The following LGSN variants were observed in gnomAD, a reference collection of about 807,000 sequenced individuals.
LGSN encodes the protein lengsin, lens protein with glutamine synthetase domain.
LGSN carries 21 observed loss-of-function variants against 19.5 expected under a neutral mutation model. That is an observed-to-expected ratio of 1.07 (90% CI 0.76 to 1.55). The LOEUF is 1.55. Ranked by LOEUF, LGSN falls within the 40% of genes most tolerant of loss-of-function variation. The pLI is 0.00. For missense variants in LGSN, 673 were observed against 608.5 expected, an observed-to-expected ratio of 1.11 and a Z score of -1.12; for synonymous variants, 257 against 215.6, an observed-to-expected ratio of 1.19 and a Z score of -1.68.
the LGSN span, among the ~76,000 whole-genome samples, chr6:63,385,016 C>T: frequency 6.6e-6 from 1 of 152,118 alleles, no homozygotes; most frequent in South Asian, 2.1e-4. Context: ...TCAGAAAAAA[C>T]AAACCTGTGA....
At chr6:63,560,884 C>T in the LGSN span, among the ~76,000 whole-genome samples, 9 of 152,218 alleles carry the variant, frequency 5.9e-5, no homozygotes, top group South Asian at 2.1e-4. Context: ...TGGGGAACAA[C>T]ATCTCTTGAA....
chr6:63,400,237 C>T, the LGSN span, among the ~76,000 whole-genome samples: 1 of 152,162 alleles, frequency 6.6e-6, no homozygotes, highest in Non-Finnish European at 1.5e-5. Context: ...TCCAGCTTGG[C>T]AAATGAGAAA....
the LGSN span, among the ~76,000 whole-genome samples, chr6:63,496,323 G>A: frequency 6.6e-6 from 1 of 152,246 alleles, no homozygotes; most frequent in Admixed American, 6.5e-5. Flanking sequence ...CCTTACTGAT[G>A]GCAGACTATA....
chr6:63,541,296 T>C, the LGSN span, among the ~76,000 whole-genome samples: 1 of 152,064 alleles, frequency 6.6e-6, no homozygotes, highest in African/African-American at 2.4e-5. Flanking sequence ...TTGGATAATT[T>C]TGCTAAGGAA....
chr6:63,412,681 GAAA>G, the LGSN span, among the ~76,000 whole-genome samples: 1 of 121,580 alleles, frequency 8.2e-6, no homozygotes, highest in African/African-American at 3.3e-5. Context: ...AAGGAAGAAA[GAAA>G]GAAAGAGAAA....
At chr6:63,322,624 T>C (rs1769111099), upstream of LGSN, among the ~76,000 whole-genome samples, 1 of 151,950 alleles carries the variant, frequency 6.6e-6, no homozygotes, top group South Asian at 2.1e-4. Context: ...TTATAAGGAG[T>C]AATATTTGAG....
chr6:63,489,208 G>A, the LGSN span, among the ~76,000 whole-genome samples: 1 of 152,078 alleles, frequency 6.6e-6, no homozygotes, highest in Non-Finnish European at 1.5e-5. Flanking sequence ...TTTGCTGTAC[G>A]AAATTAGCTT....
chr6:63,370,417 A>G, the LGSN span, among the ~76,000 whole-genome samples: 7 of 152,358 alleles, frequency 4.6e-5, no homozygotes, highest in African/African-American at 1.7e-4. Flanking sequence ...CTGTACAACC[A>G]GGGCAGTTAC....
At chr6:63,405,859 A>C in the LGSN span, among the ~76,000 whole-genome samples, 1 of 152,298 alleles carries the variant, frequency 6.6e-6, no homozygotes, top group African/African-American at 2.4e-5. Context: ...AAAACAAAAA[A>C]AGGCAGGGGT....
chr6:63,550,960 T>C, the LGSN span, among the ~76,000 whole-genome samples: 215 of 152,240 alleles, frequency 1.4e-3, no homozygotes, highest in Non-Finnish European at 1.1e-3. Flanking sequence ...TATTTTTGCT[T>C]TGAGAATCTA....
chr6:63,456,167 T>C, the LGSN span, among the ~76,000 whole-genome samples: 1 of 151,268 alleles, frequency 6.6e-6, no homozygotes, highest in Non-Finnish European at 1.5e-5. Flanking sequence ...GAGGTAAAGG[T>C]TGCAGTGAGC....
At chr6:63,441,601 C>G in the LGSN span, 91 of 457,382 alleles carry the variant, frequency 2.0e-4, no homozygotes, top group African/African-American at 1.8e-3. Context: ...AAGCAGCGAG[C>G]TAAGGAAGCT....
At chr6:63,288,318 A>G (rs1767628001) in intron 2 of LGSN, among the ~76,000 whole-genome samples, 1 of 151,754 alleles carries the variant, frequency 6.6e-6, no homozygotes, top group South Asian at 2.1e-4. Context: ...ATCATCACAT[A>G]CTATTCATAC....
the LGSN span, among the ~76,000 whole-genome samples, chr6:63,417,599 C>G: frequency 1.3e-5 from 2 of 152,320 alleles, no homozygotes; most frequent in Admixed American, 1.3e-4. Context: ...TGGACCCTAA[C>G]TATACTATGG....
chr6:63,387,806 C>T, the LGSN span, among the ~76,000 whole-genome samples: 1 of 152,006 alleles, frequency 6.6e-6, no homozygotes, highest in Non-Finnish European at 1.5e-5. Context: ...CCGACCTCAG[C>T]GTCCTGAGTA....
the LGSN span, among the ~76,000 whole-genome samples, chr6:63,555,771 G>A: frequency 6.8e-6 from 1 of 147,412 alleles, no homozygotes; most frequent in South Asian, 2.1e-4. Context: ...CCGGCTCACT[G>A]CAACTTCTGC....
chr6:63,556,759 A>C, the LGSN span, among the ~76,000 whole-genome samples: 1 of 152,244 alleles, frequency 6.6e-6, no homozygotes, highest in African/African-American at 2.4e-5. Flanking sequence ...AAAAAGTATG[A>C]TTATTCTAAA....
chr6:63,408,548 T>G, the LGSN span, among the ~76,000 whole-genome samples: 7 of 147,966 alleles, frequency 4.7e-5, no homozygotes, highest in East Asian at 1.2e-3. Context: ...ATTAAAGACT[T>G]AAACGTTAGA....
chr6:63,481,625 C>G, the LGSN span, among the ~76,000 whole-genome samples: 1 of 151,946 alleles, frequency 6.6e-6, no homozygotes, highest in East Asian at 1.9e-4. Context: ...GGATTACAGA[C>G]GTGAGCCACT....
Sources: gnomAD v4.1 joint callset for allele counts (sites outside exome capture counted in the v4.1 genomes callset) on GRCh38, gnomAD v4.1.1 for gene constraint, MANE v1.5 for transcripts, NCBI Gene and HGNC (gene_info 2026-07-23, HGNC 2026-07-21) for gene names.